THADA: variants seen among roughly 807,000 people sequenced by gnomAD.
The protein encoded by THADA is tRNA (32-2'-O)-methyltransferase regulator THADA.
Under a neutral mutation model 219.8 loss-of-function variants are expected in THADA, and 213 were observed. The ratio of observed to expected loss-of-function variants is 0.97; its 90% CI spans 0.87 to 1.09. The LOEUF (loss-of-function observed/expected upper bound fraction) is 1.09, where lower values mean the gene tolerates loss of function less well. THADA is among the 50% of genes least tolerant of loss of function. THADA has a pLI of 0.00. For synonymous variants in THADA, 1,018 were observed against 828.9 expected (o/e 1.23, Z -3.92); for missense variants, 2,956 against 2,311.3 (o/e 1.28, Z -5.72).
chr2:43,572,256 T>C (rs1699380348), intron 12 of THADA, among the ~76,000 whole-genome samples: 1 of 152,224 alleles, frequency 6.6e-6, no homozygotes, highest in Non-Finnish European at 1.5e-5. Flanking sequence ...ATGTAACTCC[T>C]TGCTGAAAAC....
At chr2:43,433,406 G>C (rs188236963) in intron 26 of THADA, among the ~76,000 whole-genome samples, 13 of 152,102 alleles carry the variant, frequency 8.5e-5, no homozygotes, top group Non-Finnish European at 1.8e-4. Context: ...GTGCATGCCT[G>C]TAATCCCAGC....
chr2:43,563,610 T>C (rs957875988), intron 15 of THADA: 2 of 152,200 alleles, frequency 1.3e-5, no homozygotes, highest in African/African-American at 2.4e-5. Context: ...GCTTGACATA[T>C]AATAAGCACG....
At chr2:43,545,563 T>A (rs1695912964) in intron 20 of THADA, among the ~76,000 whole-genome samples, 1 of 152,218 alleles carries the variant, frequency 6.6e-6, no homozygotes, top group African/African-American at 2.4e-5. Flanking sequence ...CTGCTATTGG[T>A]CTATTCAGAG....
chr2:43,566,389 T>G (rs1247871156), intron 15 of THADA: 1 of 665,318 alleles, frequency 1.5e-6, no homozygotes, highest in Admixed American at 2.7e-5. Flanking sequence ...AAAGAACAGA[T>G]TGGATACTAT....
chr2:43,324,941 G>A (rs1679146740), intron 30 of THADA, among the ~76,000 whole-genome samples: 1 of 152,206 alleles, frequency 6.6e-6, no homozygotes, highest in African/African-American at 2.4e-5. Context: ...AGCATTACTA[G>A]TGGCTTTCGA....
At chr2:43,541,594 G>C (rs1695329078) in intron 20 of THADA, among the ~76,000 whole-genome samples, 2 of 151,340 alleles carry the variant, frequency 1.3e-5, no homozygotes, top group African/African-American at 4.9e-5. Context: ...CTGCAGCCTT[G>C]ACCTCCCAGG....
rs776922876 is a variant in THADA, at chr2:43,570,514, T to C, written c.2065-4A>G. The C allele has an allele frequency of 1.9e-6, 3 of 1,603,328 alleles. No homozygotes were observed. Among genetic ancestry groups the C allele is most frequent in the Non-Finnish European group, 1.7e-6 (2 of 1,177,104 alleles). The stretch of plus-strand genomic sequence containing the variant: ...TTTCCTGTATCCTACAAAACAACTT[T>C]TGAAACAAAGGAAATGAAGCACAGG... On this transcript the variant is annotated splice_region_variant and splice_polypyrimidine_tract_variant and intron_variant, in intron 13 of 37. Coordinates refer to ENST00000405975, the MANE Select transcript of THADA (RefSeq NM_022065.5).
intron 36 of THADA, among the ~76,000 whole-genome samples, chr2:43,248,311 C>G (rs1343924565): frequency 2.0e-5 from 3 of 150,638 alleles, no homozygotes; most frequent in African/African-American, 7.3e-5. Context: ...TTCAGTGCAA[C>G]CTCTGCCTCT....
intron 31 of THADA, among the ~76,000 whole-genome samples, chr2:43,307,251 C>T (rs1676971006): frequency 6.6e-6 from 1 of 152,308 alleles, no homozygotes; most frequent in African/African-American, 2.4e-5. Context: ...AACCCAGAGC[C>T]CAGAGGTCTT....
At chr2:43,263,967 A>G (rs116825805) in intron 36 of THADA, among the ~76,000 whole-genome samples, 5 of 152,104 alleles carry the variant, frequency 3.3e-5, no homozygotes, top group Non-Finnish European at 7.4e-5. Context: ...CCCACCCACC[A>G]AATCCATCAC....
chr2:43,546,607 C>T (rs886684866), intron 20 of THADA, among the ~76,000 whole-genome samples: 20 of 152,062 alleles, frequency 1.3e-4, no homozygotes, highest in Non-Finnish European at 1.9e-4. Context: ...TTGAATTGAT[C>T]CCTTTACCAT....
chr2:43,379,860 T>C (rs1671792776), intron 29 of THADA, among the ~76,000 whole-genome samples: 1 of 152,126 alleles, frequency 6.6e-6, no homozygotes, highest in African/African-American at 2.4e-5. Flanking sequence ...TATTCAGCAA[T>C]AAAAAGAAGC....
At chr2:43,453,869 AGAG>A (rs1682662409) in intron 26 of THADA, among the ~76,000 whole-genome samples, 1 of 152,230 alleles carries the variant, frequency 6.6e-6, no homozygotes, top group African/African-American at 2.4e-5. Flanking sequence ...AGCACCCAGC[AGAG>A]GAGAACAACA....
At chr2:43,427,348 C>T (rs1465720136) in intron 28 of THADA, among the ~76,000 whole-genome samples, 1 of 152,134 alleles carries the variant, frequency 6.6e-6, no homozygotes, top group Non-Finnish European at 1.5e-5. Context: ...TCAACACCAT[C>T]CACCTGCCTT....
At chr2:43,408,303 T>C (rs745987593) in intron 28 of THADA, 3 of 152,196 alleles carry the variant, frequency 2.0e-5, no homozygotes, top group Non-Finnish European at 4.4e-5. Flanking sequence ...ATAGTATTGA[T>C]TTTGTGCTTG....
chr2:43,257,513 C>T (rs1670466089), intron 36 of THADA, among the ~76,000 whole-genome samples: 2 of 152,228 alleles, frequency 1.3e-5, no homozygotes, highest in African/African-American at 4.8e-5. Flanking sequence ...AATAGGTCAA[C>T]CTAGTGATGT....
intron 26 of THADA, among the ~76,000 whole-genome samples, chr2:43,435,710 G>A (rs1680004191): frequency 6.7e-6 from 1 of 150,050 alleles, no homozygotes; most frequent in African/African-American, 2.5e-5. Flanking sequence ...TTGAACCTGG[G>A]AGGCAGAGGT....
chr2:43,475,422 T>TA (rs59689521), intron 26 of THADA, among the ~76,000 whole-genome samples: 1,918 of 99,208 alleles, frequency 0.019, 43 homozygotes, highest in African/African-American at 0.051. Context: ...GGCCCTGTCT[T>TA]AAAAAAAAAA....
chr2:43,320,653 T>A (rs928145027), intron 30 of THADA, 113 bp from the exon 31 acceptor site: 1 of 655,058 alleles, frequency 1.5e-6, no homozygotes, highest in Admixed American at 3.1e-5. Flanking sequence ...TAAGCAGCTA[T>A]GGCAAATATT....
Sources: gnomAD v4.1 joint callset for allele counts (sites outside exome capture counted in the v4.1 genomes callset) on GRCh38, gnomAD v4.1.1 for gene constraint, MANE v1.5 for transcripts, NCBI Gene and HGNC (gene_info 2026-07-23, HGNC 2026-07-21) for gene names.